Variants in PACSIN2 observed in about 807,000 individuals in gnomAD.
The protein encoded by PACSIN2 is protein kinase C and casein kinase substrate in neurons protein 2.
Under a neutral mutation model 63.8 loss-of-function variants are expected in PACSIN2, and 25 were observed. The observed-to-expected ratio is 0.39, with a 90% CI of 0.29 to 0.55. The LOEUF is 0.55. Ranked by LOEUF, PACSIN2 falls within the 20% of genes least tolerant of loss-of-function variation. PACSIN2 has a pLI of 0.62. For synonymous variants in PACSIN2, 255 were observed against 256.2 expected (o/e 1.00, Z 0.05); for missense variants, 518 against 646.9 (o/e 0.80, Z 2.16).
At chr22:42,970,742 A>G (rs1372070315) in intron 1 of PACSIN2, among the ~76,000 whole-genome samples, 2 of 152,252 alleles carry the variant, frequency 1.3e-5, no homozygotes, top group African/African-American at 4.8e-5. Flanking sequence ...ATCTTTAAGT[A>G]AGCAAGCACC....
intron 2 of PACSIN2, among the ~76,000 whole-genome samples, chr22:42,906,171 C>A (rs1012426228): frequency 6.6e-6 from 1 of 152,244 alleles, no homozygotes; most frequent in Non-Finnish European, 1.5e-5. Context: ...CTGTCCCTGT[C>A]ACACTCACCT....
intron 1 of PACSIN2, among the ~76,000 whole-genome samples, chr22:42,997,040 T>C (rs1169897366): frequency 3.3e-5 from 5 of 152,314 alleles, no homozygotes. Context: ...AGAAGGGGGC[T>C]GGGAGGTTTG....
Position 42,871,544 on chromosome 22 carries a change from C to CT in PACSIN2, c.1349-76dup. 1 of 1,181,884 alleles carries CT rather than the reference C, an allele frequency of 8.5e-7. No individual in the cohort carries two copies. Among genetic ancestry groups the CT allele is most frequent in the Non-Finnish European group, 1.3e-6 (1 of 788,078 alleles). 73.2% of individuals were successfully genotyped at this position (1,181,884 alleles called of 1,614,324 possible). Reference sequence around the variant, plus strand: ...TGGGCTACAGAGCCGCATTCACGAGCTTTGAGCCCACAGAGGGTGGAGGGC... The same window carrying CT: ...TGGGCTACAGAGCCGCATTCACGAGCTTTTGAGCCCACAGAGGGTGGAGGGC... On this transcript the variant is annotated intron_variant, in intron 10 of 10. Transcript: ENST00000263246. This position sits in a 1 kb window ranked among gnomAD's most constrained non-coding sequence, Gnocchi z 5.4.
At chr22:42,951,571 G>A (rs774791349) in intron 1 of PACSIN2, among the ~76,000 whole-genome samples, 3 of 152,210 alleles carry the variant, frequency 2.0e-5, no homozygotes, top group Non-Finnish European at 2.9e-5. Flanking sequence ...TGCATCCCCC[G>A]GTTGGGCTCC....
At chr22:42,956,839 C>G (rs1371302622) in intron 1 of PACSIN2, among the ~76,000 whole-genome samples, 1 of 152,144 alleles carries the variant, frequency 6.6e-6, no homozygotes, top group East Asian at 1.9e-4. Flanking sequence ...TTAAATCTCA[C>G]AAGCACAGCA....
chr22:42,949,682 TCA>T lies in PACSIN2; in HGVS notation c.-77-37527_-77-37526del, dbSNP rs746717218. ...ACCCCCACTACACACACACATACAC[TCA>T]CACACACACACTCACACACACTCTC... is the stretch of plus-strand genomic sequence containing the variant. On this transcript the variant is annotated intron_variant, in intron 1 of 10. Coordinates refer to ENST00000263246, the MANE Select transcript of PACSIN2 (RefSeq NM_001184970.3). 3.8e-3 allele frequency among the ~76,000 whole-genome samples: 574 copies of T among 149,494 alleles called. 1 individual carries two copies. The highest frequency in any genetic ancestry group is 6.6e-3 in the Non-Finnish European group (447 of 67,302).
At chr22:42,895,206 G>C (rs534790191) in intron 2 of PACSIN2, among the ~76,000 whole-genome samples, 1 of 152,248 alleles carries the variant, frequency 6.6e-6, no homozygotes, top group Non-Finnish European at 1.5e-5. Context: ...CTGTGAGGAA[G>C]TCGGAAGTGA....
chr22:42,912,712 T>C (rs1039920312), intron 1 of PACSIN2, among the ~76,000 whole-genome samples: 5 of 152,184 alleles, frequency 3.3e-5, no homozygotes, highest in Non-Finnish European at 7.4e-5. Context: ...AGGCGGCAAT[T>C]ATTTCCCCTG....
intron 1 of PACSIN2, among the ~76,000 whole-genome samples, chr22:42,915,185 C>T (rs752270037): frequency 9.9e-5 from 15 of 152,278 alleles, no homozygotes; most frequent in South Asian, 2.1e-4. Flanking sequence ...TAAGAGCCCA[C>T]TAAGTGCCAG....
At position 42,871,387 on chromosome 22, in the gene PACSIN2, G is replaced by A; in HGVS notation, c.1431C>T (p.Tyr477=). The A allele has an allele frequency of 1.2e-6, 2 of 1,613,942 alleles. No homozygotes were observed. Among genetic ancestry groups the A allele is most frequent in the Middle Eastern group, 1.7e-4 (1 of 6,060 alleles). ...GGATCGCCTCCACATAATTTGCCGG[G>A]TATAGGCCAACTTGCCCGTTGTCCA... is the stretch of plus-strand genomic sequence containing the variant. The part of the protein sequence containing the change: ...GRLDNGQVGL[Y]PANYVEAIQ The change falls in exon 11 of 11, where the codon TAC becomes TAT. Residue 477 remains tyrosine, a synonymous_variant. Coordinates refer to ENST00000263246, the MANE Select transcript of PACSIN2 (RefSeq NM_001184970.3). This position sits in a 1 kb window ranked among gnomAD's most constrained non-coding sequence, Gnocchi z 5.4.
chr22:42,976,430 T>G (rs550622584), intron 1 of PACSIN2, among the ~76,000 whole-genome samples: 37 of 152,232 alleles, frequency 2.4e-4, no homozygotes, highest in Admixed American at 4.6e-4. Flanking sequence ...CTGGCTCCTC[T>G]CCCCAAAAGC....
chr22:42,877,064 G>A (rs1928697927), intron 8 of PACSIN2, 54 bp from the exon 9 acceptor site: 7 of 1,598,876 alleles, frequency 4.4e-6, no homozygotes, highest in Non-Finnish European at 3.4e-6. Flanking sequence ...GCCCGTGAGG[G>A]TCCTGGCAAC....
In PACSIN2 at chr22:42,978,559, A is replaced by G. The variant is rs5751407; in HGVS notation, c.-78+36462T>C. Reference sequence around the variant, plus strand: ...CAGATGACAGTGTTTCTCCTCACTCACATTCACCCACCCACACAGAGCAGA... The same window carrying G: ...CAGATGACAGTGTTTCTCCTCACTCGCATTCACCCACCCACACAGAGCAGA... On this transcript the variant is annotated intron_variant, in intron 1 of 10. Coordinates refer to ENST00000263246, the MANE Select transcript of PACSIN2 (RefSeq NM_001184970.3). Among the ~76,000 whole-genome samples, 214 of 152,260 alleles carry G rather than the reference A, an allele frequency of 1.4e-3. 3 individuals are homozygous for G. In the East Asian group the frequency reaches 0.036, roughly 26 times the overall value.
intron 1 of PACSIN2, among the ~76,000 whole-genome samples, chr22:42,964,418 G>GAAAA (rs34545773): frequency 7.4e-6 from 1 of 135,280 alleles, no homozygotes; most frequent in African/African-American, 2.7e-5. Flanking sequence ...ACTCCGTCTG[G>GAAAA]AAAAAAAAAA....
At chr22:42,966,441 C>T (rs767657108) in intron 1 of PACSIN2, among the ~76,000 whole-genome samples, 4 of 151,604 alleles carry the variant, frequency 2.6e-5, no homozygotes, top group Non-Finnish European at 5.9e-5. Flanking sequence ...AAATGTCTAA[C>T]ATTCTCTATC....
At chr22:42,979,204 G>A (rs547607538) in intron 1 of PACSIN2, among the ~76,000 whole-genome samples, 7 of 152,138 alleles carry the variant, frequency 4.6e-5, no homozygotes, top group Admixed American at 2.6e-4. Flanking sequence ...ATCTGTTTGT[G>A]TTTTTATTTA....
intron 1 of PACSIN2, among the ~76,000 whole-genome samples, chr22:42,984,571 G>A: frequency 6.6e-6 from 1 of 152,124 alleles, no homozygotes; most frequent in East Asian, 1.9e-4. Context: ...CCTGACCCAG[G>A]CCAGCGGGTT....
At chr22:42,989,184 C>T (rs938578544) in intron 1 of PACSIN2, among the ~76,000 whole-genome samples, 2 of 152,108 alleles carry the variant, frequency 1.3e-5, no homozygotes, top group South Asian at 2.1e-4. Flanking sequence ...TGGTCTAGTT[C>T]GTTTCTTAAT....
intron 2 of PACSIN2, among the ~76,000 whole-genome samples, chr22:42,897,276 T>C (rs1215082118): frequency 1.3e-5 from 2 of 152,152 alleles, no homozygotes; most frequent in African/African-American, 2.4e-5. Context: ...ATCAAACGTA[T>C]AATAATGACT....
Sources: allele counts gnomAD v4.1 joint callset (sites outside exome capture counted in the v4.1 genomes callset), GRCh38; gene constraint gnomAD v4.1.1; non-coding constraint Gnocchi (gnomAD v3.1); transcripts MANE v1.5; gene names NCBI Gene and HGNC (gene_info 2026-07-23, HGNC 2026-07-21).